Variants in GPHN observed in about 807,000 individuals in gnomAD.
The protein encoded by GPHN is gephyrin.
A neutral mutation model predicts 95.5 loss-of-function variants in GPHN; 17 were observed. The observed-to-expected ratio is 0.18, with a 90% CI of 0.12 to 0.27. GPHN has a LOEUF of 0.27. Ranked by LOEUF, GPHN falls within the 10% of genes least tolerant of loss-of-function variation. GPHN has a pLI of 1.00. For missense variants in GPHN, 660 were observed against 978.1 expected (o/e 0.67, Z 4.34); for synonymous variants, 320 against 322.5 (o/e 0.99, Z 0.08).
At chr14:66,598,790 A>G (rs1305283302) in intron 1 of GPHN, among the ~76,000 whole-genome samples, 1 of 151,088 alleles carries the variant, frequency 6.6e-6, no homozygotes, top group African/African-American at 2.4e-5. Flanking sequence ...GTGAGCTGAG[A>G]TCAGCGCCAC....
the GPHN span, among the ~76,000 whole-genome samples, chr14:67,368,677 T>A: frequency 6.6e-6 from 1 of 152,112 alleles, no homozygotes; most frequent in South Asian, 2.1e-4. Context: ...TTACATTTTA[T>A]GTGCAGTAGT....
chr14:67,477,999 A>G, the GPHN span, among the ~76,000 whole-genome samples: 1 of 152,228 alleles, frequency 6.6e-6, no homozygotes, highest in African/African-American at 2.4e-5. Flanking sequence ...AGCCCAGCAC[A>G]TAGTAAGCAT....
At chr14:67,655,563 G>A in the GPHN span, among the ~76,000 whole-genome samples, 5 of 151,634 alleles carry the variant, frequency 3.3e-5, no homozygotes, top group Non-Finnish European at 7.4e-5. Context: ...TAACAGTAAA[G>A]GGTTATAGTC....
chr14:67,666,575 G>A, the GPHN span, among the ~76,000 whole-genome samples: 1 of 152,228 alleles, frequency 6.6e-6, no homozygotes, highest in African/African-American at 2.4e-5. Flanking sequence ...TCAAGAGACT[G>A]ATCTCTACCC....
chr14:67,412,378 G>A, the GPHN span, among the ~76,000 whole-genome samples: 2 of 152,210 alleles, frequency 1.3e-5, no homozygotes, highest in African/African-American at 4.8e-5. Context: ...TCTGCTCAGC[G>A]TCCTTCGCCA....
the GPHN span, among the ~76,000 whole-genome samples, chr14:67,284,161 T>A: frequency 4.6e-5 from 7 of 152,144 alleles, no homozygotes; most frequent in African/African-American, 1.7e-4. Flanking sequence ...AGAGAGATCA[T>A]CTAACTCTGT....
chr14:67,514,713 G>T, the GPHN span, among the ~76,000 whole-genome samples: 1 of 151,764 alleles, frequency 6.6e-6, no homozygotes, highest in Non-Finnish European at 1.5e-5. Context: ...GGTGCTCTCC[G>T]CCCGGAAGAA....
At chr14:67,232,129 C>T in the GPHN span, among the ~76,000 whole-genome samples, 1 of 152,140 alleles carries the variant, frequency 6.6e-6, no homozygotes, top group Non-Finnish European at 1.5e-5. Flanking sequence ...GGACTTAGCG[C>T]CTTGCTTCTA....
the GPHN span, among the ~76,000 whole-genome samples, chr14:67,388,888 AGGCTGG>A: frequency 6.6e-6 from 1 of 152,068 alleles, no homozygotes; most frequent in African/African-American, 2.4e-5. Context: ...CACCTTGGCC[AGGCTGG>A]TCTCAAACTC....
rs200308910 is a variant in GPHN, at chr14:66,877,754, TTCCATGCTCA to T, written c.295-2183_295-2174del. Among the ~76,000 whole-genome samples, 6,274 of 152,118 alleles carry T rather than the reference TTCCATGCTCA, an allele frequency of 0.041. 776 individuals are homozygous for T. The East Asian group carries it at 0.42, about 10-fold the overall frequency. On this transcript the variant is annotated intron_variant, in intron 4 of 22. Coordinates refer to ENST00000478722, the MANE Select transcript of GPHN (RefSeq NM_020806.5). ...AAGAGAGGACACAAATGGAAAAACA[TTCCATGCTCA>T]TGGATAGGAAGAATCAATATTGTGA...
Position 66,893,020 on chromosome 14 carries a change from C to G in GPHN, c.389+12987C>G, listed in dbSNP as rs143784554. Among the ~76,000 whole-genome samples the G allele has an allele frequency of 2.6e-3, 403 of 152,252 alleles. 3 individuals carry two copies. Among genetic ancestry groups the G allele is most frequent in the African/African-American group, 9.3e-3 (386 of 41,552 alleles). On this transcript the variant is annotated intron_variant, in intron 5 of 22. Transcript: ENST00000478722. ...GCCCAACTTCCAGACTCCAGTATGA[C>G]AGGAGGTATACTGGGTTTCAAAAGA... is the stretch of plus-strand genomic sequence containing the variant.
At chr14:66,734,276 A>AATCTC (rs1352447949) in intron 2 of GPHN, among the ~76,000 whole-genome samples, 1 of 151,982 alleles carries the variant, frequency 6.6e-6, no homozygotes, top group Non-Finnish European at 1.5e-5. Flanking sequence ...CCTTCTCTCC[A>AATCTC]ATCTCATCTC....
At chr14:67,413,740 C>T in the GPHN span, among the ~76,000 whole-genome samples, 3 of 152,206 alleles carry the variant, frequency 2.0e-5, no homozygotes, top group African/African-American at 4.8e-5. Context: ...CACTAACTGG[C>T]CTTCAGACTT....
At chr14:66,546,643 G>A (rs1195816026) in intron 1 of GPHN, among the ~76,000 whole-genome samples, 4 of 152,220 alleles carry the variant, frequency 2.6e-5, no homozygotes, top group South Asian at 2.1e-4. Flanking sequence ...GTGGCGGCGC[G>A]TGCCTGCAAT....
the GPHN span, among the ~76,000 whole-genome samples, chr14:67,300,162 A>C: frequency 2.0e-5 from 3 of 152,290 alleles, no homozygotes; most frequent in South Asian, 6.2e-4. Flanking sequence ...CTAAGTACCA[A>C]AACCTGAGGA....
At chr14:66,911,214 G>A (rs72730406) in intron 5 of GPHN, among the ~76,000 whole-genome samples, 6,609 of 151,954 alleles carry the variant, frequency 0.043, 189 homozygotes, top group Middle Eastern at 0.068. Flanking sequence ...TCTAGAATAG[G>A]CAAGTCTGTA....
At chr14:66,660,615 T>C (rs1365710335) in intron 1 of GPHN, among the ~76,000 whole-genome samples, 1 of 152,194 alleles carries the variant, frequency 6.6e-6, no homozygotes, top group African/African-American at 2.4e-5. Flanking sequence ...ATTTAAGCAC[T>C]TCAAAAAGTA....
chr14:67,389,321 CAG>C, the GPHN span, among the ~76,000 whole-genome samples: 24 of 152,212 alleles, frequency 1.6e-4, no homozygotes, highest in African/African-American at 5.8e-4. Context: ...AGGGCAGTCT[CAG>C]GGAGGACAGG....
the GPHN span, among the ~76,000 whole-genome samples, chr14:67,732,073 G>A: frequency 6.8e-6 from 1 of 147,690 alleles, no homozygotes; most frequent in Admixed American, 6.9e-5. Context: ...GCTGCAGTAA[G>A]CCGAGATCAC....
Sources: gnomAD v4.1 joint callset for allele counts (sites outside exome capture counted in the v4.1 genomes callset) on GRCh38, gnomAD v4.1.1 for gene constraint, MANE v1.5 for transcripts, NCBI Gene and HGNC (gene_info 2026-07-23, HGNC 2026-07-21) for gene names.